NTN4: variants seen among roughly 807,000 people sequenced by gnomAD.
The protein encoded by NTN4 is netrin 4, also known as netrin-4.
Under a neutral mutation model 73.6 loss-of-function variants are expected in NTN4, and 32 were observed. That is an observed-to-expected ratio of 0.44 (90% confidence interval 0.33 to 0.58). The LOEUF is 0.58. NTN4 is among the 20% of genes least tolerant of loss of function. The pLI is 0.04. For synonymous variants in NTN4, 258 were observed against 287.5 expected, an observed-to-expected ratio of 0.90 and a Z score of 1.04; for missense variants, 654 against 798.3, an observed-to-expected ratio of 0.82 and a Z score of 2.18.
intron 5 of NTN4, among the ~76,000 whole-genome samples, chr12:95,686,757 CAA>C (rs536844767): frequency 3.0e-5 from 3 of 100,582 alleles, no homozygotes. Flanking sequence ...GACTCTGTCT[CAA>C]AAAAAAAAAA....
rs868667608 is a variant in NTN4 at position 95,722,556 on chromosome 12, C to A, written c.865-9218G>T. On this transcript the variant is annotated intron_variant, in intron 3 of 9. Coordinates refer to ENST00000343702, the MANE Select transcript of NTN4 (RefSeq NM_021229.4). ...TTGAGGATCCCTTGAGCCTGGGAGG[C>A]AGACGTTGTAATGAGCCGAGACTGT... 2.6e-5 allele frequency among the ~76,000 whole-genome samples: 4 copies of A among 152,228 alleles called. 1 individual carries two copies. The South Asian group carries it at 8.3e-4, about 32-fold the overall frequency.
At chr12:95,738,182 T>C (rs1293758644) in intron 2 of NTN4, 38 bp from the exon 3 acceptor site, 8 of 1,568,346 alleles carry the variant, frequency 5.1e-6, no homozygotes, top group African/African-American at 1.4e-5. Flanking sequence ...TTTATAGGAC[T>C]GTGCGCAAAC....
intron 3 of NTN4, among the ~76,000 whole-genome samples, chr12:95,716,754 A>T (rs925229771): frequency 6.6e-6 from 1 of 152,098 alleles, no homozygotes; most frequent in Non-Finnish European, 1.5e-5. Flanking sequence ...TTACATCAGC[A>T]TGTTAATTCT....
At chr12:95,687,445 G>A (rs1313008733) in intron 5 of NTN4, among the ~76,000 whole-genome samples, 1 of 151,610 alleles carries the variant, frequency 6.6e-6, no homozygotes, top group African/African-American at 2.4e-5. Flanking sequence ...TTACTGTCCA[G>A]GGTGTAGTGC....
chr12:95,719,853 C>T (rs1375821282), intron 3 of NTN4, among the ~76,000 whole-genome samples: 1 of 152,078 alleles, frequency 6.6e-6, no homozygotes, highest in African/African-American at 2.4e-5. Flanking sequence ...AGGTTGAAGG[C>T]TGAGTGTTTC....
rs142487129 is a variant in NTN4, at chr12:95,663,191, A to G, written c.1750+2619T>C. ...AGTATTTTTACATGAATTTACTTTG[A>G]AACTACAAATAGAATAAACAGGAAT... On this transcript the variant is annotated intron_variant, in intron 9 of 9. Transcript: ENST00000343702. 8.8e-3 allele frequency among the ~76,000 whole-genome samples: 1,342 copies of G among 152,326 alleles called. 23 individuals are homozygous for G. Among genetic ancestry groups the G allele is most frequent in the African/African-American group, 0.031 (1,271 of 41,570 alleles).
At chr12:95,731,123 T>C (rs11108222) in intron 3 of NTN4, among the ~76,000 whole-genome samples, 82,520 of 152,150 alleles carry the variant, frequency 0.54, 26,022 homozygotes, top group Non-Finnish European at 0.72. Context: ...ATTTCACTAG[T>C]TGTTAATGGA....
intron 3 of NTN4, among the ~76,000 whole-genome samples, chr12:95,717,021 G>T (rs1446946683): frequency 6.6e-6 from 1 of 152,030 alleles, no homozygotes; most frequent in African/African-American, 2.4e-5. Flanking sequence ...CATTGCCCAG[G>T]CTGGTCTCCA....
intron 7 of NTN4, among the ~76,000 whole-genome samples, chr12:95,675,830 A>G (rs2078269110): frequency 6.6e-6 from 1 of 152,212 alleles, no homozygotes; most frequent in East Asian, 1.9e-4. Context: ...CTCACTTTTT[A>G]AAGACAGATT....
chr12:95,725,695 T>C (rs2078688847), intron 3 of NTN4, among the ~76,000 whole-genome samples: 1 of 152,198 alleles, frequency 6.6e-6, no homozygotes, highest in African/African-American at 2.4e-5. Context: ...TCTTCCATTG[T>C]TTTTTGTTGT....
At chr12:95,667,924 C>T (rs2078195408) in intron 8 of NTN4, among the ~76,000 whole-genome samples, 1 of 151,142 alleles carries the variant, frequency 6.6e-6, no homozygotes, top group Non-Finnish European at 1.5e-5. Context: ...CTTTCAAGTT[C>T]ACATAACTGG....
At position 95,737,945 on chromosome 12, in the gene NTN4, C is replaced by A. The variant is rs2078791706; in HGVS notation, c.785G>T (p.Cys262Phe). 1 of 1,614,000 alleles carries A rather than the reference C, an allele frequency of 6.2e-7. No homozygotes were observed. The highest frequency in any genetic ancestry group is 1.3e-5 in the African/African-American group (1 of 74,916). Residue 262 changes from cysteine (C) to phenylalanine (F), a missense_variant, in exon 3 of 10, where the codon TGC becomes TTC. Physicochemically the swap from Cys to Phe is radical, Grantham distance 205 (BLOSUM62 -2). Transcript: ENST00000343702. ...AIYDFIVKGS[C>F]FCNGHADQCI... Reference sequence around the variant, plus strand: ...TTGATCAGCGTGGCCATTGCAGAAGCAGCTGCCCTTGACAATGAAATCATA... The same window carrying A: ...TTGATCAGCGTGGCCATTGCAGAAGAAGCTGCCCTTGACAATGAAATCATA...
intron 2 of NTN4, among the ~76,000 whole-genome samples, chr12:95,783,037 A>G (rs908263237): frequency 2.6e-5 from 4 of 152,082 alleles, no homozygotes; most frequent in Admixed American, 2.6e-4. Flanking sequence ...AGCCTAATTA[A>G]CCTATCATTT....
chr12:95,726,588 T>C (rs1003262013), intron 3 of NTN4, among the ~76,000 whole-genome samples: 8 of 152,160 alleles, frequency 5.3e-5, no homozygotes, highest in Non-Finnish European at 1.0e-4. Flanking sequence ...ATGTACAAGA[T>C]TTTGTGTAGA....
At chr12:95,712,719 A>G (rs2078572952) in intron 4 of NTN4, among the ~76,000 whole-genome samples, 1 of 150,936 alleles carries the variant, frequency 6.6e-6, no homozygotes, top group African/African-American at 2.4e-5. Flanking sequence ...CTTGTGCCTC[A>G]GCCTCCCAAG....
intron 9 of NTN4, 37 bp downstream of exon 9, chr12:95,665,773 C>T: frequency 2.0e-6 from 3 of 1,522,788 alleles, no homozygotes; most frequent in Non-Finnish European, 2.7e-6. Flanking sequence ...TCAGCAGAGA[C>T]AAGGTAGGTA....
intron 8 of NTN4, among the ~76,000 whole-genome samples, chr12:95,669,809 T>C (rs183620561): frequency 6.6e-6 from 1 of 152,328 alleles, no homozygotes; most frequent in Admixed American, 6.5e-5. Context: ...CATGATTTCT[T>C]CTCTCTGCTC....
rs1460848065 is a variant in NTN4 at position 95,770,988 on chromosome 12, A to ATTTTTTTTTT, written c.585+15950_585+15951insAAAAAAAAAA. Among the ~76,000 whole-genome samples, 16 of 58,082 alleles carry ATTTTTTTTTT rather than the reference A, an allele frequency of 2.8e-4. 3 individuals carry two copies. Among genetic ancestry groups the ATTTTTTTTTT allele is most frequent in the African/African-American group, 5.2e-4 (12 of 22,876 alleles). The allele number at this position is 58,082 out of a possible 152,430, so 38.1% of individuals were successfully genotyped here. A position where few individuals can be genotyped will look rare whatever the true frequency, so the allele number is the denominator to read the frequency against. On this transcript the variant is annotated intron_variant, in intron 2 of 9. Coordinates refer to ENST00000343702, the MANE Select transcript of NTN4 (RefSeq NM_021229.4). ...GCAAGATGAACCATCCAGGAAAAGA[A>ATTTTTTTTTT]TTTGTTTTTTTTTTTTTTTGAGACA...
chr12:95,790,342 C>G lies in NTN4; in HGVS notation c.-33G>C. On this transcript the variant is annotated 5_prime_UTR_variant, in exon 1 of 10. Coordinates refer to ENST00000343702, the MANE Select transcript of NTN4 (RefSeq NM_021229.4). The surrounding 1 kb of genome is among the most constrained non-coding windows in gnomAD (Gnocchi z 6.5). ...AGGAGCCGGGAGCAGCCGGGCCGGGCGGGTGCCGGAGGGAGCCGAGACCTC... is the reference window on the plus strand; with the variant it reads ...AGGAGCCGGGAGCAGCCGGGCCGGGGGGGTGCCGGAGGGAGCCGAGACCTC... 1.3e-6 allele frequency: 2 copies of G among 1,516,214 alleles called. No homozygotes were observed. Among genetic ancestry groups the G allele is most frequent in the Non-Finnish European group, 1.8e-6 (2 of 1,132,220 alleles). The allele number at this position is 1,516,214 out of a possible 1,614,324, so 93.9% of individuals were successfully genotyped here.
Sources: allele counts gnomAD v4.1 joint callset (sites outside exome capture counted in the v4.1 genomes callset), GRCh38; gene constraint gnomAD v4.1.1; non-coding constraint Gnocchi (gnomAD v3.1); transcripts MANE v1.5; gene names NCBI Gene and HGNC (gene_info 2026-07-23, HGNC 2026-07-21).